Variants in ERAP1 observed in about 807,000 individuals in gnomAD.
ERAP1 encodes the protein endoplasmic reticulum aminopeptidase 1.
ERAP1 carries 86 observed loss-of-function variants against 103.7 expected under a neutral mutation model. The observed-to-expected ratio is 0.83, with a 90% CI of 0.70 to 0.99. The LOEUF (loss-of-function observed/expected upper bound fraction) is 0.99, where lower values mean the gene tolerates loss of function less well. Among genes scored for constraint, ERAP1 ranks in the 50% least tolerant of loss-of-function variants. ERAP1 has a pLI of 0.00. For missense variants in ERAP1, 1,009 were observed against 1,128.4 expected, an observed-to-expected ratio of 0.89 and a Z score of 1.52; for synonymous variants, 398 against 402.4, an observed-to-expected ratio of 0.99 and a Z score of 0.13.
At chr5:96,766,545 G>C (rs112257770) in intron 19 of ERAP1, among the ~76,000 whole-genome samples, 1 of 152,164 alleles carries the variant, frequency 6.6e-6, no homozygotes, top group African/African-American at 2.4e-5. Context: ...TAATAAGGCA[G>C]CTCCAAGACC....
chr5:96,868,907 T>C, the ERAP1 span, among the ~76,000 whole-genome samples: 1 of 152,128 alleles, frequency 6.6e-6, no homozygotes, highest in African/African-American at 2.4e-5. Flanking sequence ...CAACTTCATA[T>C]ATCGAAATCC....
the ERAP1 span, among the ~76,000 whole-genome samples, chr5:96,898,924 G>A: frequency 1.3e-5 from 2 of 152,078 alleles, no homozygotes; most frequent in African/African-American, 4.8e-5. Context: ...TGCCATGTGT[G>A]TGTGCATGTA....
chr5:96,766,155 G>A (rs776907239), intron 19 of ERAP1: 1 of 1,484,446 alleles, frequency 6.7e-7, no homozygotes, highest in South Asian at 1.2e-5. Context: ...GGTAAACTGA[G>A]GCAAATTGCT....
chr5:96,875,958 T>C, the ERAP1 span: 1 of 152,266 alleles, frequency 6.6e-6, no homozygotes, highest in Non-Finnish European at 1.5e-5. Flanking sequence ...AACAGGCAGA[T>C]AAAGAGAGAT....
the ERAP1 span, chr5:96,875,923 A>C: frequency 6.6e-6 from 1 of 152,454 alleles, no homozygotes; most frequent in African/African-American, 2.4e-5. Context: ...TATTCAGAGC[A>C]GAGAGGAAGT....
intron 11 of ERAP1, among the ~76,000 whole-genome samples, chr5:96,788,083 T>C (rs1159870587): frequency 2.6e-5 from 4 of 152,294 alleles, no homozygotes; most frequent in Admixed American, 2.0e-4. Context: ...TCTAATAATA[T>C]TCTTCTATAG....
Position 96,783,130 on chromosome 5 carries a change from A to G in ERAP1, c.2206T>C (p.Cys736Arg), listed in dbSNP as rs375081137. ...MLRSQLLLLA[C>R]VHNYQPCVQR... ...ACGCACGGCTGATAGTTGTGCACACAGGCGAGGAGTAGTAGTTGACTCCGC... is the reference window on the plus strand; with the variant it reads ...ACGCACGGCTGATAGTTGTGCACACGGGCGAGGAGTAGTAGTTGACTCCGC... The change falls in exon 15 of 19, where the codon TGT becomes CGT. Residue 736 changes from cysteine (C) to arginine (R), a missense_variant. Transcript: ENST00000443439. 8.9e-5 allele frequency: 144 copies of G among 1,614,110 alleles called. No individual in the cohort carries two copies. The highest frequency in any genetic ancestry group is 1.2e-4 in the Non-Finnish European group (140 of 1,180,058).
chr5:96,874,930 T>C, the ERAP1 span, among the ~76,000 whole-genome samples: 1 of 152,234 alleles, frequency 6.6e-6, no homozygotes, highest in African/African-American at 2.4e-5. Context: ...TATTGCCATT[T>C]AATAGACTGT....
the ERAP1 span, among the ~76,000 whole-genome samples, chr5:96,836,193 T>C: frequency 6.0e-5 from 9 of 150,312 alleles, no homozygotes; most frequent in Non-Finnish European, 1.3e-4. Flanking sequence ...TTTTTTTTTT[T>C]TTTCTGTTTT....
chr5:96,792,169 A>G lies in ERAP1; in HGVS notation c.1212T>C (p.Cys404=). 5.6e-6 allele frequency: 9 copies of G among 1,613,732 alleles called. No individual in the cohort carries two copies. Among genetic ancestry groups the G allele is most frequent in the Non-Finnish European group, 7.6e-6 (9 of 1,179,580 alleles). Residue 404 remains cysteine (C), a synonymous_variant, in exon 8 of 19, where the codon TGT becomes TGC. Coordinates refer to ENST00000443439, the MANE Select transcript of ERAP1 (RefSeq NM_001040458.3). ...LKVGDYFFGK[C]FDAMEVDALN... ...AAGCATCTACCTCCATTGCGTCAAA[A>G]CATTTGCCAAAGAAATAATCTCCCT...
the ERAP1 span, among the ~76,000 whole-genome samples, chr5:96,872,463 G>A: frequency 4.6e-5 from 7 of 152,112 alleles, no homozygotes; most frequent in Non-Finnish European, 7.4e-5. Flanking sequence ...GCCAAGTGTG[G>A]TAGTGCACAC....
chr5:96,881,615 G>A, the ERAP1 span: 1 of 411,770 alleles, frequency 2.4e-6, no homozygotes, highest in Non-Finnish European at 4.9e-6. Flanking sequence ...CAGAAGTAGG[G>A]CAGCTCAGAT....
At chr5:96,883,817 C>G in the ERAP1 span, 5 of 1,610,846 alleles carry the variant, frequency 3.1e-6, no homozygotes, top group Non-Finnish European at 3.4e-6. Flanking sequence ...AGATTTTGAG[C>G]CAACCCAGGC....
the ERAP1 span, among the ~76,000 whole-genome samples, chr5:96,849,175 C>T: frequency 5.3e-5 from 8 of 152,052 alleles, no homozygotes; most frequent in East Asian, 1.5e-3. Flanking sequence ...ACATGATACT[C>T]AAAAATGGAA....
In ERAP1 at chr5:96,775,370, G is replaced by C; in HGVS notation, c.*1026C>G. 1 of 984,448 alleles carries C rather than the reference G, an allele frequency of 1.0e-6. No homozygotes were observed. Among genetic ancestry groups the C allele is most frequent in the Non-Finnish European group, 1.2e-6 (1 of 829,338 alleles). 61.0% of individuals were successfully genotyped at this position (984,448 alleles called of 1,614,324 possible). A position where few individuals can be genotyped will look rare whatever the true frequency, so the allele number is the denominator to read the frequency against. On this transcript the variant is annotated 3_prime_UTR_variant, in exon 19 of 19. Coordinates refer to ENST00000443439, the MANE Select transcript of ERAP1 (RefSeq NM_001040458.3). ...TTATTGGTGACTGCAATAATTTACTGTCAGTAAATGCCAATAACTAGTTAG... is the reference window on the plus strand; with the variant it reads ...TTATTGGTGACTGCAATAATTTACTCTCAGTAAATGCCAATAACTAGTTAG...
chr5:96,855,999 A>G, the ERAP1 span, among the ~76,000 whole-genome samples: 1 of 152,056 alleles, frequency 6.6e-6, no homozygotes, highest in Non-Finnish European at 1.5e-5. Context: ...TTTTAGTCAC[A>G]TGCAATAGTC....
At chr5:96,863,516 A>G in the ERAP1 span, among the ~76,000 whole-genome samples, 7 of 152,052 alleles carry the variant, frequency 4.6e-5, no homozygotes, top group Non-Finnish European at 1.0e-4. Flanking sequence ...GGCTTCTGTC[A>G]TGTTCTTATA....
intron 1 of ERAP1, among the ~76,000 whole-genome samples, chr5:96,807,025 C>A (rs967367590): frequency 5.9e-5 from 9 of 152,062 alleles, no homozygotes; most frequent in Admixed American, 2.6e-4. Flanking sequence ...GAGTTCAGAG[C>A]GAATCCTCTG....
chr5:96,819,957 C>T, the ERAP1 span, among the ~76,000 whole-genome samples: 2 of 152,138 alleles, frequency 1.3e-5, no homozygotes, highest in Non-Finnish European at 2.9e-5. Context: ...TTTGCCGAGA[C>T]GTAGGTTAGA....
Sources: allele counts gnomAD v4.1 joint callset (sites outside exome capture counted in the v4.1 genomes callset), GRCh38; gene constraint gnomAD v4.1.1; transcripts MANE v1.5; gene names NCBI Gene and HGNC (gene_info 2026-07-23, HGNC 2026-07-21).